Variants in TAF3 observed in about 807,000 individuals in gnomAD.
The protein encoded by TAF3 is transcription initiation factor TFIID subunit 3.
TAF3 carries 7 observed loss-of-function variants against 80.6 expected under a neutral mutation model. The ratio of observed to expected loss-of-function variants is 0.09; its 90% CI spans 0.05 to 0.16. TAF3 has a LOEUF of 0.16. Ranked by LOEUF, TAF3 falls within the 10% of genes least tolerant of loss-of-function variation. The pLI is 1.00. For synonymous variants in TAF3, 444 were observed against 446.1 expected, an observed-to-expected ratio of 1.00 and a Z score of 0.06; for missense variants, 921 against 1,140.2, an observed-to-expected ratio of 0.81 and a Z score of 2.77.
At chr10:7,957,790 GCGCGCTCTCT>G (rs1564371100) in intron 2 of TAF3, among the ~76,000 whole-genome samples, 1 of 111,324 alleles carries the variant, frequency 9.0e-6, no homozygotes. Context: ...GCTCTCTCTA[GCGCGCTCTCT>G]CTCTCTCTCT....
chr10:7,840,977 G>A (rs930417606), intron 2 of TAF3, among the ~76,000 whole-genome samples: 2 of 151,872 alleles, frequency 1.3e-5, no homozygotes. Context: ...AGCCTCCCAA[G>A]TAGCTGGGAT....
At chr10:7,827,449 C>A (rs1836753160) in intron 2 of TAF3, among the ~76,000 whole-genome samples, 1 of 152,056 alleles carries the variant, frequency 6.6e-6, no homozygotes, top group East Asian at 1.9e-4. Flanking sequence ...GAGTTTGATA[C>A]CAGCCTGGGC....
At position 8,009,170 on chromosome 10, in the gene TAF3, C is replaced by CCGGCCCCATGCTCGT; in HGVS notation, c.2410_2424dup (p.Gly804_Val808dup). 1.3e-6 allele frequency: 2 copies of CCGGCCCCATGCTCGT among 1,536,458 alleles called. No individual in the cohort carries two copies. Among genetic ancestry groups the CCGGCCCCATGCTCGT allele is most frequent in the African/African-American group, 1.4e-5 (1 of 72,482 alleles). On this transcript the variant is annotated inframe_insertion, in exon 5 of 7. Transcript: ENST00000344293. The surrounding 1 kb of genome is among the most constrained non-coding windows in gnomAD (Gnocchi z 4.1). ...CCACCGCCGGCCCCCGCGCCCGCCC[C>CCGGCCCCATGCTCGT]CGGCCCCATGCTCGTCAGCCCTGCG... is the stretch of plus-strand genomic sequence containing the variant.
At chr10:7,874,561 C>T (rs1469648734) in intron 2 of TAF3, among the ~76,000 whole-genome samples, 1 of 151,782 alleles carries the variant, frequency 6.6e-6, no homozygotes, top group Non-Finnish European at 1.5e-5. Flanking sequence ...GCTCTATAAG[C>T]TCTATATATT....
At chr10:7,930,940 TTG>T (rs1837862902) in intron 2 of TAF3, among the ~76,000 whole-genome samples, 2 of 152,128 alleles carry the variant, frequency 1.3e-5, no homozygotes, top group African/African-American at 4.8e-5. Flanking sequence ...TCCCACAAGT[TTG>T]TCTTTCCAGA....
Position 7,835,705 on chromosome 10 carries a change from C to T in TAF3, c.409+11145C>T, listed in dbSNP as rs75682795. Among the ~76,000 whole-genome samples the T allele has an allele frequency of 4.0e-3, 615 of 152,304 alleles. 6 individuals are homozygous for T. Among genetic ancestry groups the T allele is most frequent in the African/African-American group, 0.014 (585 of 41,560 alleles). ...AGCCGCTCTTCTCGGGTTGGCCTGC[C>T]GGGCTTTCCAGCAGAGGCCTGGTGG... On this transcript the variant is annotated intron_variant, in intron 2 of 6. Transcript: ENST00000344293.
chr10:7,957,792 G>GCCCT (rs373350330), intron 2 of TAF3, among the ~76,000 whole-genome samples: 1 of 134,288 alleles, frequency 7.4e-6, no homozygotes, highest in Non-Finnish European at 1.6e-5. Context: ...TCTCTCTAGC[G>GCCCT]CGCTCTCTCT....
At chr10:7,951,884 A>G (rs1420517096) in intron 2 of TAF3, among the ~76,000 whole-genome samples, 2 of 152,194 alleles carry the variant, frequency 1.3e-5, no homozygotes, top group Non-Finnish European at 2.9e-5. Flanking sequence ...ACATGTCTCT[A>G]TGATTGTAGG....
chr10:8,009,419 C>A lies in TAF3; in HGVS notation c.2568+89C>A. On this transcript the variant is annotated intron_variant, in intron 5 of 6. Transcript: ENST00000344293. The surrounding 1 kb of genome is among the most constrained non-coding windows in gnomAD (Gnocchi z 4.1). ...CTGAATCACTATCGAATTTCAGACG[C>A]ATTTCTCTTCAAAATTTTATTATTT... The A allele has an allele frequency of 1.4e-6, 2 of 1,431,732 alleles. No homozygotes were observed. Among genetic ancestry groups the A allele is most frequent in the Non-Finnish European group, 1.8e-6 (2 of 1,084,136 alleles). 88.7% of individuals were successfully genotyped at this position (1,431,732 alleles called of 1,614,324 possible).
intron 2 of TAF3, among the ~76,000 whole-genome samples, chr10:7,948,947 T>C (rs927196700): frequency 2.8e-4 from 43 of 152,340 alleles, no homozygotes; most frequent in African/African-American, 8.7e-4. Flanking sequence ...AAAAAGCAAG[T>C]GTAGGAACAG....
At chr10:7,928,951 T>G (rs1837841735) in intron 2 of TAF3, among the ~76,000 whole-genome samples, 1 of 152,226 alleles carries the variant, frequency 6.6e-6, no homozygotes, top group Admixed American at 6.5e-5. Context: ...TTTTTTTAAG[T>G]GTTCTGCATT....
At chr10:8,002,127 C>T (rs1831950172) in intron 4 of TAF3, among the ~76,000 whole-genome samples, 1 of 152,194 alleles carries the variant, frequency 6.6e-6, no homozygotes, top group Admixed American at 6.5e-5. Context: ...CAACTCTCTT[C>T]TTCCTATCAT....
At position 7,972,100 on chromosome 10, in the gene TAF3, G is replaced by A. The variant is rs190818477; in HGVS notation, c.2233-5141G>A. Reference sequence around the variant, plus strand: ...TTATTTTAACCCTTAAAAGCTCATCGTGGCCCCAGATTTTGGCTTGATGCC... The same window carrying A: ...TTATTTTAACCCTTAAAAGCTCATCATGGCCCCAGATTTTGGCTTGATGCC... On this transcript the variant is annotated intron_variant, in intron 3 of 6. Coordinates refer to ENST00000344293, the MANE Select transcript of TAF3 (RefSeq NM_031923.4). Among the ~76,000 whole-genome samples, 438 of 152,190 alleles carry A rather than the reference G, an allele frequency of 2.9e-3. 2 individuals carry two copies. The highest frequency in any genetic ancestry group is 1.0e-2 in the African/African-American group (414 of 41,534).
chr10:7,887,560 G>A (rs1837420177), intron 2 of TAF3, among the ~76,000 whole-genome samples: 1 of 152,098 alleles, frequency 6.6e-6, no homozygotes, highest in Non-Finnish European at 1.5e-5. Flanking sequence ...CAGAGTAGAT[G>A]AAAATGCAAC....
chr10:7,992,539 A>G (rs759233480), intron 4 of TAF3, among the ~76,000 whole-genome samples: 22 of 152,096 alleles, frequency 1.4e-4, no homozygotes, highest in Non-Finnish European at 3.2e-4. Flanking sequence ...GGTTTGGGGA[A>G]AGTAGAATTT....
At chr10:7,828,799 C>G (rs904386460) in intron 2 of TAF3, among the ~76,000 whole-genome samples, 1 of 151,808 alleles carries the variant, frequency 6.6e-6, no homozygotes, top group Non-Finnish European at 1.5e-5. Flanking sequence ...TTTGGGAGGC[C>G]GAGGTGGGCG....
At chr10:8,006,308 G>A (rs1208769714) in intron 4 of TAF3, among the ~76,000 whole-genome samples, 2 of 151,854 alleles carry the variant, frequency 1.3e-5, no homozygotes, top group East Asian at 1.9e-4. Context: ...CCCAGGAGGC[G>A]GAGGTTGCAG....
chr10:7,986,378 T>G (rs1297883795), intron 4 of TAF3, among the ~76,000 whole-genome samples: 2 of 152,146 alleles, frequency 1.3e-5, no homozygotes, highest in African/African-American at 4.8e-5. Context: ...TTTCCGCCAG[T>G]GTGGTTCTTC....
chr10:7,985,216 T>A (rs1054402898), intron 4 of TAF3, among the ~76,000 whole-genome samples: 2 of 152,186 alleles, frequency 1.3e-5, no homozygotes. Flanking sequence ...CCCCAGCTGA[T>A]TAGACTTGCC....
Sources: allele counts gnomAD v4.1 joint callset (sites outside exome capture counted in the v4.1 genomes callset), GRCh38; gene constraint gnomAD v4.1.1; non-coding constraint Gnocchi (gnomAD v3.1); transcripts MANE v1.5; gene names NCBI Gene and HGNC (gene_info 2026-07-23, HGNC 2026-07-21).